CDH13: variants seen among roughly 807,000 people sequenced by gnomAD.
CDH13 encodes cadherin 13.
CDH13 carries 24 observed loss-of-function variants against 63.8 expected under a neutral mutation model. The ratio of observed to expected loss-of-function variants is 0.38; its 90% CI spans 0.27 to 0.53. The LOEUF (loss-of-function observed/expected upper bound fraction) is 0.53, where lower values mean the gene tolerates loss of function less well. Ranked by LOEUF, CDH13 falls within the 20% of genes least tolerant of loss-of-function variation. The pLI, the probability that CDH13 is intolerant of heterozygous loss-of-function variation, is 0.85. For missense variants in CDH13, 1,049 were observed against 903.1 expected (o/e 1.16, Z -2.07); for synonymous variants, 503 against 355.3 (o/e 1.42, Z -4.67).
At chr16:83,649,722 AAC>A (rs1700461787) in intron 8 of CDH13, among the ~76,000 whole-genome samples, 2 of 152,188 alleles carry the variant, frequency 1.3e-5, no homozygotes, top group South Asian at 4.2e-4. Flanking sequence ...GGGGATGCTG[AAC>A]ACGGAGGGCA....
At chr16:82,909,000 G>C (rs1341440271) in intron 2 of CDH13, among the ~76,000 whole-genome samples, 2 of 152,124 alleles carry the variant, frequency 1.3e-5, no homozygotes, top group Admixed American at 6.6e-5. Context: ...GCATGGGTCA[G>C]GGTATATATG....
At chr16:83,658,199 G>A (rs1232407881) in intron 8 of CDH13, among the ~76,000 whole-genome samples, 2 of 148,736 alleles carry the variant, frequency 1.3e-5, no homozygotes, top group African/African-American at 5.0e-5. Flanking sequence ...TCACCAGCAA[G>A]GTCTCATGTC....
rs372386893 is a variant in CDH13, at chr16:83,262,197, C to A, written c.636+44700C>A. ...GGGTAACAGCAGGCACCCCTGGAGA[C>A]CTGGGCATGAGGTTTAGCTTCATGC... is the stretch of plus-strand genomic sequence containing the variant. On this transcript the variant is annotated intron_variant, in intron 5 of 13. Transcript: ENST00000567109. Among the ~76,000 whole-genome samples the A allele has an allele frequency of 1.3e-3, 191 of 152,258 alleles. 1 individual carries two copies. The highest frequency in any genetic ancestry group is 4.3e-3 in the African/African-American group (179 of 41,546).
chr16:83,559,575 A>AG (rs1491452526), intron 7 of CDH13, among the ~76,000 whole-genome samples: 57 of 52,818 alleles, frequency 1.1e-3, no homozygotes, highest in East Asian at 5.2e-3. Flanking sequence ...GTATAAAAAG[A>AG]AAGAGAGAGA....
At chr16:83,703,372 G>A (rs1415434123) in intron 10 of CDH13, among the ~76,000 whole-genome samples, 3 of 152,204 alleles carry the variant, frequency 2.0e-5, no homozygotes, top group African/African-American at 7.2e-5. Flanking sequence ...CAAAAAGTTA[G>A]AAAACAGCCC....
Position 83,455,546 on chromosome 16 carries a change from G to C in CDH13, c.782-30931G>C, listed in dbSNP as rs531951060. 8.5e-5 allele frequency among the ~76,000 whole-genome samples: 13 copies of C among 152,234 alleles called. No homozygotes were observed. In the South Asian group the frequency reaches 2.7e-3, roughly 32 times the overall value. On this transcript the variant is annotated intron_variant, in intron 6 of 13. Transcript: ENST00000567109. Reference sequence around the variant, plus strand: ...TTTGCTTTTGTGTATTCCCACGCAGGAGCTTCAGCCATTGCTACACGTGGC... The same window carrying C: ...TTTGCTTTTGTGTATTCCCACGCAGCAGCTTCAGCCATTGCTACACGTGGC...
intron 7 of CDH13, among the ~76,000 whole-genome samples, chr16:83,584,260 C>T (rs752738556): frequency 4.6e-5 from 7 of 151,766 alleles, no homozygotes; most frequent in East Asian, 2.0e-4. Flanking sequence ...ACCCAGGAGG[C>T]GGAGCTTGCA....
chr16:82,928,094 A>G lies in CDH13; in HGVS notation c.157+69621A>G, dbSNP rs548123880. 1.2e-4 allele frequency among the ~76,000 whole-genome samples: 19 copies of G among 152,110 alleles called. No homozygotes were observed. In the South Asian group the frequency reaches 3.5e-3, roughly 28 times the overall value. On this transcript the variant is annotated intron_variant, in intron 2 of 13. Transcript: ENST00000567109. ...GAGTAGCAGATTGTTTTATTTCAGA[A>G]CTATGATCATACCATTTGTACTATT...
intron 7 of CDH13, among the ~76,000 whole-genome samples, chr16:83,534,073 T>C (rs546319702): frequency 6.6e-6 from 1 of 152,342 alleles, no homozygotes; most frequent in East Asian, 1.9e-4. Context: ...CCTCTATCTA[T>C]ATTCTCATCG....
chr16:83,176,062 C>A (rs2038110605), intron 4 of CDH13, among the ~76,000 whole-genome samples: 1 of 149,914 alleles, frequency 6.7e-6, no homozygotes, highest in African/African-American at 2.4e-5. Flanking sequence ...GTAGGTCAGG[C>A]TGGTCTTGAA....
intron 2 of CDH13, among the ~76,000 whole-genome samples, chr16:82,973,706 C>G (rs1025054): frequency 0.1 from 15,183 of 152,134 alleles, 802 homozygotes; most frequent in African/African-American, 0.15. Context: ...TTGAACAAGA[C>G]TTATTTTTAT....
intron 2 of CDH13, among the ~76,000 whole-genome samples, chr16:82,955,070 T>C (rs955803557): frequency 5.3e-5 from 8 of 152,202 alleles, no homozygotes; most frequent in Non-Finnish European, 1.2e-4. Context: ...TTTGGGGCGA[T>C]TTTGAATAAC....
intron 6 of CDH13, among the ~76,000 whole-genome samples, chr16:83,465,193 A>C (rs997726720): frequency 6.6e-6 from 1 of 152,214 alleles, no homozygotes; most frequent in Non-Finnish European, 1.5e-5. Context: ...TGCAAGAGTA[A>C]AAATAAAGAT....
At chr16:83,608,534 C>T (rs2150759372) in intron 8 of CDH13, among the ~76,000 whole-genome samples, 1 of 152,206 alleles carries the variant, frequency 6.6e-6, no homozygotes, top group East Asian at 1.9e-4. Context: ...GGCTGGAGTG[C>T]AGTAGCACAA....
At chr16:83,352,869 G>A (rs1013842168) in intron 6 of CDH13, among the ~76,000 whole-genome samples, 30 of 152,196 alleles carry the variant, frequency 2.0e-4, no homozygotes, top group African/African-American at 7.0e-4. Flanking sequence ...CAGCCTGGGC[G>A]ATAGAGCGAG....
At chr16:83,423,998 A>C (rs2071803076) in intron 6 of CDH13, among the ~76,000 whole-genome samples, 2 of 152,184 alleles carry the variant, frequency 1.3e-5, no homozygotes, top group South Asian at 4.1e-4. Flanking sequence ...AGTCTAGAAG[A>C]GGGAAATCCA....
chr16:83,014,802 A>T (rs372843924), intron 2 of CDH13, among the ~76,000 whole-genome samples: 4,861 of 64,788 alleles, frequency 0.075, 316 homozygotes, highest in African/African-American at 0.13. Context: ...GTATATATAT[A>T]TGTATATATA....
At chr16:82,807,112 A>G (rs2037185789) in intron 1 of CDH13, among the ~76,000 whole-genome samples, 1 of 151,878 alleles carries the variant, frequency 6.6e-6, no homozygotes, top group African/African-American at 2.4e-5. Flanking sequence ...TTCTTAAGAA[A>G]AAACTTAAAT....
chr16:83,028,564 A>C (rs192884006), intron 2 of CDH13, among the ~76,000 whole-genome samples: 3 of 152,222 alleles, frequency 2.0e-5, no homozygotes, highest in Non-Finnish European at 4.4e-5. Flanking sequence ...CACAAGACCT[A>C]CGTAGATACC....
Sources: gnomAD v4.1 joint callset for allele counts (sites outside exome capture counted in the v4.1 genomes callset) on GRCh38, gnomAD v4.1.1 for gene constraint, MANE v1.5 for transcripts, NCBI Gene and HGNC (gene_info 2026-07-23, HGNC 2026-07-21) for gene names.